FRRS1: variants seen among roughly 807,000 people sequenced by gnomAD.
FRRS1 encodes ferric chelate reductase 1.
A neutral mutation model predicts 70.7 loss-of-function variants in FRRS1; 51 were observed. The ratio of observed to expected loss-of-function variants is 0.72; its 90% CI spans 0.58 to 0.91. FRRS1 has a LOEUF of 0.91. Ranked by LOEUF, FRRS1 falls within the 40% of genes least tolerant of loss-of-function variation. The probability of loss-of-function intolerance (pLI) is 0.00; values close to 1 mark genes in which losing one functional copy is unlikely to be tolerated. For synonymous variants in FRRS1, 225 were observed against 238.7 expected, an observed-to-expected ratio of 0.94 and a Z score of 0.53; for missense variants, 672 against 726.0, an observed-to-expected ratio of 0.93 and a Z score of 0.86.
intron 1 of FRRS1, among the ~76,000 whole-genome samples, chr1:99,752,342 T>C (rs564609425): frequency 6.6e-4 from 101 of 152,300 alleles, no homozygotes; most frequent in African/African-American, 2.3e-3. Flanking sequence ...GTGAAAGATA[T>C]ATGACTCTTC....
chr1:99,731,598 A>G (rs913680630), intron 7 of FRRS1, among the ~76,000 whole-genome samples: 4 of 152,230 alleles, frequency 2.6e-5, no homozygotes, highest in African/African-American at 9.6e-5. Context: ...TGACTTCTAC[A>G]TACTTAGGTG....
intron 7 of FRRS1, among the ~76,000 whole-genome samples, chr1:99,733,956 T>C (rs746666153): frequency 3.9e-5 from 6 of 152,168 alleles, no homozygotes; most frequent in Non-Finnish European, 7.3e-5. Flanking sequence ...AATAGAACAA[T>C]TGGACATTAT....
chr1:99,751,460 A>G (rs1656563518), intron 1 of FRRS1, among the ~76,000 whole-genome samples: 1 of 152,144 alleles, frequency 6.6e-6, no homozygotes, highest in African/African-American at 2.4e-5. Flanking sequence ...TTAATATGGC[A>G]TATCATTTTC....
At chr1:99,739,878 A>AC (rs1655868141) in intron 6 of FRRS1, among the ~76,000 whole-genome samples, 1 of 105,446 alleles carries the variant, frequency 9.5e-6, no homozygotes, top group Non-Finnish European at 2.6e-5. Flanking sequence ...CTTTCTCAAC[A>AC]CGTTTTTTTT....
At chr1:99,721,382 G>C (rs1208338262) in intron 9 of FRRS1, among the ~76,000 whole-genome samples, 2 of 144,994 alleles carry the variant, frequency 1.4e-5, no homozygotes, top group African/African-American at 5.1e-5. Flanking sequence ...GCAAGACTCC[G>C]TCTCAATAAA....
intron 6 of FRRS1, among the ~76,000 whole-genome samples, chr1:99,740,360 G>A (rs748817975): frequency 6.6e-6 from 1 of 152,154 alleles, no homozygotes; most frequent in Non-Finnish European, 1.5e-5. Flanking sequence ...AAGTCATAAG[G>A]TTGCAATGAA....
At chr1:99,754,507 A>AAGAGAG (rs60311161) in intron 1 of FRRS1, among the ~76,000 whole-genome samples, 1 of 149,488 alleles carries the variant, frequency 6.7e-6, no homozygotes, top group Admixed American at 6.6e-5. Context: ...GAGAGAGAGA[A>AAGAGAG]AGAGAGAGAG....
chr1:99,748,870 G>T, intron 2 of FRRS1, 27 bp downstream of exon 2: 1 of 804,916 alleles, frequency 1.2e-6, no homozygotes, highest in Non-Finnish European at 1.9e-6. Flanking sequence ...TGCTTTCTGT[G>T]TTCAGCAAAC....
At chr1:99,745,228 C>T (rs1656191551) in intron 4 of FRRS1, among the ~76,000 whole-genome samples, 1 of 152,164 alleles carries the variant, frequency 6.6e-6, no homozygotes, top group African/African-American at 2.4e-5. Flanking sequence ...CTGCTGGCTG[C>T]TAATCCCCGA....
Position 99,712,423 on chromosome 1 carries a change from G to T in FRRS1, c.1416C>A (p.Asp472Glu), listed in dbSNP as rs1654312000. The change falls in exon 13 of 17, where the codon GAC becomes GAA. Residue 472 changes from aspartate (D) to glutamate (E), a missense_variant. Transcript: ENST00000646001. ...TATAGAAAGGCTCTAAGTACCTTGGGTCATGTAAAGGTGGCCTGAAGACTG... is the reference window on the plus strand; with the variant it reads ...TATAGAAAGGCTCTAAGTACCTTGGTTCATGTAAAGGTGGCCTGAAGACTG... ...LLAVFRPPLH[D>E]PRRQMFNWTH... 1 of 1,601,878 alleles carries T rather than the reference G, an allele frequency of 6.2e-7. No individual in the cohort carries two copies. Among genetic ancestry groups the T allele is most frequent in the Non-Finnish European group, 8.5e-7 (1 of 1,170,572 alleles).
intron 3 of FRRS1, 35 bp downstream of exon 3, chr1:99,748,538 A>T: frequency 6.6e-7 from 1 of 1,508,950 alleles, no homozygotes; most frequent in Non-Finnish European, 9.2e-7. Context: ...AAAGAGTGAA[A>T]TCCAAAATGT....
At position 99,719,643 on chromosome 1, in the gene FRRS1, T is replaced by A; in HGVS notation, c.1011A>T (p.Arg337=). 6.5e-7 allele frequency: 1 copy of A among 1,534,418 alleles called. No individual in the cohort carries two copies. The highest frequency in any genetic ancestry group is 9.0e-7 in the Non-Finnish European group (1 of 1,112,332). ...FLADGAANDG[R]IYKHSQQPLI... ...AAGGTTGCTGAGAGTGCTTGTAAAT[T>A]CGACCTGCAAATTAAAAACAAAATT... is the stretch of plus-strand genomic sequence containing the variant. Residue 337 remains arginine, a synonymous_variant, in exon 10 of 17, where the codon CGA becomes CGT. Transcript: ENST00000646001.
intron 16 of FRRS1, 24 bp from the exon 17 acceptor site, chr1:99,709,144 A>G (rs78541439): frequency 6.2e-7 from 1 of 1,604,714 alleles, no homozygotes; most frequent in Non-Finnish European, 8.5e-7. Flanking sequence ...TGAGATATGA[A>G]AAAAAAAAGT....
rs1287144966 is a variant in FRRS1 at position 99,709,010 on chromosome 1, G to C, written c.*18C>G. Reference sequence around the variant, plus strand: ...GATAATTATCACTTGGCCTGCAAAAGCCAAGGTCTTTGCTTGCTCATAGAT... The same window carrying C: ...GATAATTATCACTTGGCCTGCAAAACCCAAGGTCTTTGCTTGCTCATAGAT... On this transcript the variant is annotated 3_prime_UTR_variant, in exon 17 of 17. Transcript: ENST00000646001. The C allele has an allele frequency of 5.0e-6, 8 of 1,613,686 alleles. No homozygotes were observed. The highest frequency in any genetic ancestry group is 6.8e-6 in the Non-Finnish European group (8 of 1,179,854).
At chr1:99,751,671 A>G (rs1340508046) in intron 1 of FRRS1, among the ~76,000 whole-genome samples, 2 of 152,174 alleles carry the variant, frequency 1.3e-5, no homozygotes, top group Non-Finnish European at 2.9e-5. Context: ...TCAAAAGTGA[A>G]GAAGAAATAG....
At chr1:99,732,271 T>C (rs893726547) in intron 7 of FRRS1, among the ~76,000 whole-genome samples, 2 of 152,120 alleles carry the variant, frequency 1.3e-5, no homozygotes, top group Non-Finnish European at 2.9e-5. Context: ...GTACACCCTA[T>C]AAGAACTTCC....
At chr1:99,713,186 A>C (rs1185385548) in intron 12 of FRRS1, among the ~76,000 whole-genome samples, 1 of 152,200 alleles carries the variant, frequency 6.6e-6, no homozygotes, top group African/African-American at 2.4e-5. Flanking sequence ...GATAGATACT[A>C]TACCACCCCC....
intron 1 of FRRS1, among the ~76,000 whole-genome samples, chr1:99,753,538 C>T (rs1047331159): frequency 9.2e-5 from 14 of 152,052 alleles, no homozygotes; most frequent in African/African-American, 3.4e-4. Context: ...GAGGCTGAGG[C>T]GGGTGGATCA....
rs1654006578 is a variant in FRRS1 at position 99,705,309 on chromosome 1, C to A, written c.*3719G>T. Among the ~76,000 whole-genome samples the A allele has an allele frequency of 6.6e-6, 1 of 152,162 alleles. No homozygotes were observed. The highest frequency in any genetic ancestry group is 2.4e-5 in the African/African-American group (1 of 41,440). ...ATTCCAGGCTGGTAACCATCTGTGA[C>A]CTGGGTGCAGAGATGAGCTTGGTAG... On this transcript the variant is annotated 3_prime_UTR_variant, in exon 17 of 17. Transcript: ENST00000646001.
Sources: allele counts gnomAD v4.1 joint callset (sites outside exome capture counted in the v4.1 genomes callset), GRCh38; gene constraint gnomAD v4.1.1; transcripts MANE v1.5; gene names NCBI Gene and HGNC (gene_info 2026-07-23, HGNC 2026-07-21).